SLC39A11: variants seen among roughly 807,000 people sequenced by gnomAD.
SLC39A11 encodes zinc transporter ZIP11.
In SLC39A11, 33 loss-of-function variants were observed where a neutral mutation model predicts 36.1. That is an observed-to-expected ratio of 0.91 (90% confidence interval 0.69 to 1.22). The LOEUF (loss-of-function observed/expected upper bound fraction) is 1.22. Among genes scored for constraint, SLC39A11 ranks in the 50% most tolerant of loss-of-function variants. The pLI, the probability that SLC39A11 is intolerant of heterozygous loss-of-function variation, is 0.00. For missense variants in SLC39A11, 432 were observed against 430.3 expected, an observed-to-expected ratio of 1.00 and a Z score of -0.03; for synonymous variants, 166 against 170.3, an observed-to-expected ratio of 0.97 and a Z score of 0.20.
chr17:72,921,060 C>T (rs61344933), intron 5 of SLC39A11, among the ~76,000 whole-genome samples: 487 of 152,168 alleles, frequency 3.2e-3, no homozygotes, highest in African/African-American at 0.011. Context: ...TTTGTTTGTT[C>T]GGTTGGTTGG....
rs932614014 is a variant in SLC39A11 at position 72,720,053 on chromosome 17, C to G, written c.671+16597G>C. ...GTGGTCTGGAGGGGCCGACCCTTGC[C>G]GTCGACACCCCTAGCACAGAGCTGA... is the stretch of plus-strand genomic sequence containing the variant. On this transcript the variant is annotated intron_variant, in intron 7 of 9. Transcript: ENST00000255559. Among the ~76,000 whole-genome samples the G allele has an allele frequency of 2.6e-5, 4 of 152,286 alleles. 1 individual carries two copies. The highest frequency in any genetic ancestry group is 6.8e-3 in the Middle Eastern group (2 of 294).
chr17:72,662,628 G>GAAAGAGAGA (rs2070507882), intron 7 of SLC39A11, among the ~76,000 whole-genome samples: 10 of 122,908 alleles, frequency 8.1e-5, no homozygotes, highest in African/African-American at 2.2e-4. Flanking sequence ...AGAAGAAAGA[G>GAAAGAGAGA]AAGAAAGAGA....
chr17:72,772,651 T>G (rs188635213), intron 6 of SLC39A11, among the ~76,000 whole-genome samples: 1 of 152,272 alleles, frequency 6.6e-6, no homozygotes, highest in East Asian at 1.9e-4. Flanking sequence ...GTTGCATCGC[T>G]GCACACCTGC....
rs116324237 is a variant in SLC39A11, at chr17:72,820,632, G to A, written c.601+29002C>T. On this transcript the variant is annotated intron_variant, in intron 6 of 9. Coordinates refer to ENST00000255559, the MANE Select transcript of SLC39A11 (RefSeq NM_139177.4). Reference sequence around the variant, plus strand: ...AAAGTCATTATGGAACAGGGTTGGGGGCACAGTGTTGGGGGAGCCAGAGTG... The same window carrying A: ...AAAGTCATTATGGAACAGGGTTGGGAGCACAGTGTTGGGGGAGCCAGAGTG... Among the ~76,000 whole-genome samples the A allele has an allele frequency of 7.9e-3, 1,190 of 151,428 alleles. 28 individuals carry two copies. Among genetic ancestry groups the A allele is most frequent in the African/African-American group, 0.022 (923 of 41,466 alleles).
At chr17:72,802,805 C>T (rs2145256035) in intron 6 of SLC39A11, among the ~76,000 whole-genome samples, 1 of 152,128 alleles carries the variant, frequency 6.6e-6, no homozygotes, top group African/African-American at 2.4e-5. Flanking sequence ...AGCCAGGAGA[C>T]AAAAAGAGGC....
intron 7 of SLC39A11, among the ~76,000 whole-genome samples, chr17:72,707,735 G>C (rs1567968766): frequency 6.6e-6 from 1 of 152,142 alleles, no homozygotes; most frequent in Non-Finnish European, 1.5e-5. Flanking sequence ...GGTTCATCTT[G>C]TTTCCACCAA....
intron 7 of SLC39A11, among the ~76,000 whole-genome samples, chr17:72,728,804 C>T (rs2074037847): frequency 6.6e-6 from 1 of 152,052 alleles, no homozygotes; most frequent in Admixed American, 6.6e-5. Flanking sequence ...AAATGGAGTC[C>T]TTCTTCCCTC....
chr17:72,663,536 A>G (rs1450591336), intron 7 of SLC39A11, among the ~76,000 whole-genome samples: 1 of 152,146 alleles, frequency 6.6e-6, no homozygotes. Flanking sequence ...CACTATCCTC[A>G]CTTCTAACAG....
chr17:72,791,433 CAGAA>C (rs1309324794), intron 6 of SLC39A11, among the ~76,000 whole-genome samples: 1 of 152,188 alleles, frequency 6.6e-6, no homozygotes, highest in African/African-American at 2.4e-5. Flanking sequence ...GACTGGGTGA[CAGAA>C]AGAAACTCTG....
At chr17:72,955,737 T>A (rs2452922) in intron 4 of SLC39A11, among the ~76,000 whole-genome samples, 51 of 151,972 alleles carry the variant, frequency 3.4e-4, no homozygotes, top group South Asian at 2.1e-4. Context: ...CTGAACGAAC[T>A]AAATGACAGA....
chr17:72,751,209 C>T (rs1438404163), intron 6 of SLC39A11, among the ~76,000 whole-genome samples: 1 of 152,206 alleles, frequency 6.6e-6, no homozygotes, highest in Non-Finnish European at 1.5e-5. Flanking sequence ...GATCACACCA[C>T]TGTACTCCAG....
intron 7 of SLC39A11, among the ~76,000 whole-genome samples, chr17:72,674,175 C>G (rs1256840725): frequency 2.0e-5 from 3 of 152,198 alleles, no homozygotes. Context: ...CACATACCCT[C>G]TCTAGGTAAT....
rs56021607 is a variant in SLC39A11 at position 73,062,475 on chromosome 17, A to AAAAAAAAAAAAAAAAAAAAAAAAAAAAAC, written c.147+22332_147+22333insGTTTTTTTTTTTTTTTTTTTTTTTTTTTT. On this transcript the variant is annotated intron_variant, in intron 3 of 9. Transcript: ENST00000255559. ...AGAGCTTGTCTCAAAAAAAAAAAAAAAAACTTTAGGTGATACACTTCTGCT... is the reference window on the plus strand; with the variant it reads ...AGAGCTTGTCTCAAAAAAAAAAAAAAAAAAAAAAAAAAAAAAAAAAAAAAAAAACAAACTTTAGGTGATACACTTCTGCT... 3.3e-3 allele frequency among the ~76,000 whole-genome samples: 291 copies of AAAAAAAAAAAAAAAAAAAAAAAAAAAAAC among 86,994 alleles called. 85 individuals are homozygous for AAAAAAAAAAAAAAAAAAAAAAAAAAAAAC. Among genetic ancestry groups the AAAAAAAAAAAAAAAAAAAAAAAAAAAAAC allele is most frequent in the East Asian group, 0.012 (29 of 2,484 alleles). 57.1% of individuals were successfully genotyped at this position (86,994 alleles called of 152,430 possible). A position where few individuals can be genotyped will look rare whatever the true frequency, so the allele number is the denominator to read the frequency against.
intron 6 of SLC39A11, among the ~76,000 whole-genome samples, chr17:72,738,883 A>C (rs2074547699): frequency 6.6e-6 from 1 of 152,030 alleles, no homozygotes; most frequent in Non-Finnish European, 1.5e-5. Flanking sequence ...TGGAATTGTG[A>C]CACTGACTCC....
chr17:72,694,799 T>A (rs778850739), intron 7 of SLC39A11, among the ~76,000 whole-genome samples: 8 of 152,198 alleles, frequency 5.3e-5, no homozygotes, highest in Non-Finnish European at 1.2e-4. Context: ...CTGACTGTCA[T>A]CCCAGGCTAC....
intron 3 of SLC39A11, among the ~76,000 whole-genome samples, chr17:73,075,705 T>C (rs1250943780): frequency 6.6e-6 from 1 of 151,942 alleles, no homozygotes; most frequent in Non-Finnish European, 1.5e-5. Flanking sequence ...ATACAAACAT[T>C]AGCTAGGCGT....
chr17:72,742,977 A>C (rs1185547659), intron 6 of SLC39A11, among the ~76,000 whole-genome samples: 3 of 152,218 alleles, frequency 2.0e-5, no homozygotes, highest in Non-Finnish European at 2.9e-5. Flanking sequence ...AAATGTCCCC[A>C]AAATTTTCTT....
intron 6 of SLC39A11, among the ~76,000 whole-genome samples, chr17:72,743,941 G>C (rs1235467560): frequency 6.6e-6 from 1 of 152,204 alleles, no homozygotes; most frequent in Non-Finnish European, 1.5e-5. Context: ...GGGTGAGGCA[G>C]AGTCTGGAAG....
At chr17:73,056,418 C>G (rs767586698) in intron 3 of SLC39A11, among the ~76,000 whole-genome samples, 19 of 152,206 alleles carry the variant, frequency 1.2e-4, no homozygotes, top group Non-Finnish European at 2.2e-4. Context: ...ATCCACCCGC[C>G]TCGGCCTCCC....
Sources: allele counts gnomAD v4.1 joint callset (sites outside exome capture counted in the v4.1 genomes callset), GRCh38; gene constraint gnomAD v4.1.1; transcripts MANE v1.5; gene names NCBI Gene and HGNC (gene_info 2026-07-23, HGNC 2026-07-21).